ZNF75D: variants seen among roughly 807,000 people sequenced by gnomAD.
The protein encoded by ZNF75D is zinc finger protein 75D.
ZNF75D carries 33 observed loss-of-function variants against 33.3 expected under a neutral mutation model. The observed-to-expected ratio is 0.99, with a 90% CI of 0.75 to 1.32. ZNF75D has a LOEUF of 1.32. Ranked by LOEUF, ZNF75D falls within the 40% of genes most tolerant of loss-of-function variation. The probability of loss-of-function intolerance (pLI) is 0.00; values close to 1 mark genes in which losing one functional copy is unlikely to be tolerated. For missense variants in ZNF75D, 338 were observed against 367.5 expected, an observed-to-expected ratio of 0.92 and a Z score of 0.66; for synonymous variants, 113 against 130.6, an observed-to-expected ratio of 0.87 and a Z score of 0.92.
At chrX:135,304,145 T>C (rs887299458) in intron 1 of ZNF75D, among the ~76,000 whole-genome samples, 2 of 111,758 alleles carry the variant, frequency 1.8e-5, no homozygotes, top group Non-Finnish European at 3.8e-5. Context: ...ACTCCCAACA[T>C]AAGCTTGAGA....
At chrX:135,316,580 A>G (rs1360163167) in intron 1 of ZNF75D, among the ~76,000 whole-genome samples, 1 of 111,878 alleles carries the variant, frequency 8.9e-6, no homozygotes, top group Non-Finnish European at 1.9e-5. Context: ...ATTTCATTAA[A>G]TAGGTTTTCA....
chrX:135,335,395 C>T (rs1477969899), intron 1 of ZNF75D, among the ~76,000 whole-genome samples: 6 of 111,150 alleles, frequency 5.4e-5, no homozygotes, highest in South Asian at 3.9e-4. Context: ...TGCTCTAGCT[C>T]GACCACCAGG....
chrX:135,308,035 C>A (rs2084310266), intron 1 of ZNF75D, among the ~76,000 whole-genome samples: 1 of 112,367 alleles, frequency 8.9e-6, no homozygotes, highest in Non-Finnish European at 1.9e-5. Flanking sequence ...AGCTGAATGT[C>A]CCATCCAGGA....
chrX:135,259,268 G>T (rs782731254), intron 1 of ZNF75D, among the ~76,000 whole-genome samples: 1 of 111,656 alleles, frequency 9.0e-6, no homozygotes, highest in South Asian at 3.8e-4. Context: ...GGATTGTCTT[G>T]GCAATGCAGG....
At chrX:135,315,413 C>T (rs782623407) in intron 1 of ZNF75D, among the ~76,000 whole-genome samples, 27 of 112,298 alleles carry the variant, frequency 2.4e-4, no homozygotes, top group Non-Finnish European at 5.1e-4. Context: ...AATGTGCATT[C>T]TGCAGTAGTT....
intron 1 of ZNF75D, among the ~76,000 whole-genome samples, chrX:135,306,523 T>A (rs1338657314): frequency 1.3e-4 from 14 of 111,940 alleles, no homozygotes; most frequent in African/African-American, 3.6e-4. Context: ...AAGCTCCCCC[T>A]CTTACATAAT....
At chrX:135,283,718 G>A (rs1479975846), downstream of ZNF75D, among the ~76,000 whole-genome samples, 5 of 111,841 alleles carry the variant, frequency 4.5e-5, no homozygotes, top group African/African-American at 9.8e-5. Context: ...AGCAGGATTG[G>A]CCTGTGGCAG....
chrX:135,308,794 T>C (rs1041732097), intron 1 of ZNF75D, among the ~76,000 whole-genome samples: 16 of 111,893 alleles, frequency 1.4e-4, no homozygotes, highest in African/African-American at 5.2e-4. Flanking sequence ...AAACAGAAAC[T>C]AGGTAGCACC....
At chrX:135,327,648 T>C (rs1556438596) in intron 1 of ZNF75D, 1 of 112,100 alleles carries the variant, frequency 8.9e-6, no homozygotes, top group Admixed American at 9.4e-5. Flanking sequence ...AGCTATTCCC[T>C]GGCTCATGCA....
chrX:135,278,411 T>C (rs1366301798), intron 1 of ZNF75D, among the ~76,000 whole-genome samples: 1 of 112,049 alleles, frequency 8.9e-6, no homozygotes, highest in Non-Finnish European at 1.9e-5. Flanking sequence ...GTTTTTAAAA[T>C]ATACAATCAT....
intron 6 of ZNF75D, among the ~76,000 whole-genome samples, chrX:135,289,342 C>T (rs782078510): frequency 5.4e-5 from 6 of 112,146 alleles, no homozygotes; most frequent in African/African-American, 1.6e-4. Flanking sequence ...TCAGGCCAGG[C>T]GTGGTGGCTC....
At chrX:135,261,507 T>C (rs922286677) in intron 1 of ZNF75D, among the ~76,000 whole-genome samples, 26 of 112,417 alleles carry the variant, frequency 2.3e-4, no homozygotes, top group African/African-American at 7.1e-4. Context: ...ATATTTAGGA[T>C]AGTTAGCTCT....
chrX:135,315,384 T>G (rs1207984187), intron 1 of ZNF75D, among the ~76,000 whole-genome samples: 2 of 112,364 alleles, frequency 1.8e-5, no homozygotes, highest in Non-Finnish European at 3.8e-5. Context: ...TGGAGAATGT[T>G]CCATGTGCTG....
chrX:135,301,159 A>G (rs2084213328), intron 1 of ZNF75D, among the ~76,000 whole-genome samples: 1 of 111,587 alleles, frequency 9.0e-6, no homozygotes. Context: ...CATTTATAAA[A>G]CTGTCAGATC....
At chrX:135,289,611 GACACAC>G (rs367701570) in intron 6 of ZNF75D, among the ~76,000 whole-genome samples, 2 of 82,067 alleles carry the variant, frequency 2.4e-5, no homozygotes, top group African/African-American at 9.3e-5. Context: ...GTGAGACTCT[GACACAC>G]ACACACACAG....
Position 135,293,248 on chromosome X carries a change from G to A in ZNF75D, c.411+482C>T, listed in dbSNP as rs184915606. Among the ~76,000 whole-genome samples the A allele has an allele frequency of 8.1e-5, 9 of 111,655 alleles. No individual in the cohort carries two copies. The East Asian group carries it at 8.4e-4, about 10-fold the overall frequency. On this transcript the variant is annotated intron_variant, in intron 3 of 6. Coordinates refer to ENST00000370766, the MANE Select transcript of ZNF75D (RefSeq NM_007131.5). Reference sequence around the variant, plus strand: ...CTCCACTTCTCTGTTGGCAATTGTCGTCTTTCCATATCCTTGTTTCCTTTT... The same window carrying A: ...CTCCACTTCTCTGTTGGCAATTGTCATCTTTCCATATCCTTGTTTCCTTTT...
intron 1 of ZNF75D, among the ~76,000 whole-genome samples, chrX:135,296,380 T>C (rs2084131082): frequency 8.9e-6 from 1 of 111,784 alleles, no homozygotes; most frequent in Admixed American, 9.4e-5. Context: ...CCTGCTGGCT[T>C]CCTGGCGGCT....
chrX:135,272,567 C>T (rs1295272337), intron 1 of ZNF75D, among the ~76,000 whole-genome samples: 7 of 109,986 alleles, frequency 6.4e-5, no homozygotes, highest in Non-Finnish European at 1.1e-4. Flanking sequence ...ATCTCAGTTG[C>T]GGGATGAAAA....
At position 135,293,783 on chromosome X, in the gene ZNF75D, C is replaced by A. The variant is rs781812776; in HGVS notation, c.358G>T (p.Ala120Ser). ...QKHHPQNVKQALVLVEFLQRE... is the reference protein window; with the variant it reads ...QKHHPQNVKQSLVLVEFLQRE... ...TGCAAGAATTCCACCAGGACCAGAGCCTGTTTGACATTCTGTGGATGATGC... is the reference window on the plus strand; with the variant it reads ...TGCAAGAATTCCACCAGGACCAGAGACTGTTTGACATTCTGTGGATGATGC... The change falls in exon 3 of 7, where the codon GCT becomes TCT. Residue 120 changes from alanine to serine, a missense_variant. Physicochemically the swap from Ala to Ser is moderately conservative, Grantham distance 99. This residue lies in a region of ZNF75D where 254 missense variants were observed against 267.7 expected (regional missense o/e 0.95). Coordinates refer to ENST00000370766, the MANE Select transcript of ZNF75D (RefSeq NM_007131.5). 6 of 1,201,104 alleles carry A rather than the reference C, an allele frequency of 5.0e-6. No individual in the cohort carries two copies. Among genetic ancestry groups the A allele is most frequent in the African/African-American group, 3.5e-5 (2 of 57,112 alleles).
Sources: gnomAD v4.1 joint callset for allele counts (sites outside exome capture counted in the v4.1 genomes callset) on GRCh38, gnomAD v4.1.1 for gene constraint, gnomAD v4.1.1 regional missense constraint, MANE v1.5 for transcripts, NCBI Gene and HGNC (gene_info 2026-07-23, HGNC 2026-07-21) for gene names.